TNIK: variants seen among roughly 807,000 people sequenced by gnomAD.
TNIK encodes the protein TRAF2 and NCK interacting kinase, also known as TRAF2 and NCK-interacting protein kinase.
Under a neutral mutation model 191.3 loss-of-function variants are expected in TNIK, and 49 were observed. The observed-to-expected ratio is 0.26, with a 90% CI of 0.20 to 0.32. The LOEUF is 0.32. TNIK is among the 10% of genes least tolerant of loss of function. TNIK has a pLI of 1.00. For synonymous variants in TNIK, 594 were observed against 600.9 expected, an observed-to-expected ratio of 0.99 and a Z score of 0.17; for missense variants, 1,155 against 1,702.3, an observed-to-expected ratio of 0.68 and a Z score of 5.66.
chr3:171,082,099 C>T (rs897172302), intron 27 of TNIK, among the ~76,000 whole-genome samples, 152 bp downstream of exon 27: 8 of 152,112 alleles, frequency 5.3e-5, no homozygotes, highest in Non-Finnish European at 1.5e-5. Context: ...CCCAGTGTTA[C>T]AAAATGTGGG....
intron 18 of TNIK, among the ~76,000 whole-genome samples, chr3:171,120,422 G>A (rs545338934): frequency 1.3e-5 from 2 of 150,578 alleles, no homozygotes; most frequent in South Asian, 2.1e-4. Context: ...CCGGATTCGC[G>A]CCATTCTCCT....
chr3:171,347,862 A>T (rs1277228878), intron 2 of TNIK, among the ~76,000 whole-genome samples: 1 of 152,222 alleles, frequency 6.6e-6, no homozygotes, highest in African/African-American at 2.4e-5. Context: ...TCACTCATCA[A>T]GAGTGACTGT....
intron 1 of TNIK, among the ~76,000 whole-genome samples, chr3:171,411,100 G>A (rs989877912): frequency 6.7e-5 from 10 of 149,054 alleles, no homozygotes; most frequent in Non-Finnish European, 1.3e-4. Flanking sequence ...AGGGCCTCAC[G>A]CTGTGTCACC....
chr3:171,437,018 T>G (rs1726116245), intron 1 of TNIK, among the ~76,000 whole-genome samples: 1 of 152,228 alleles, frequency 6.6e-6, no homozygotes, highest in African/African-American at 2.4e-5. Context: ...TCTTTTTTTA[T>G]TACTGCCCCC....
At chr3:171,290,077 A>G (rs1751511299) in intron 2 of TNIK, among the ~76,000 whole-genome samples, 1 of 152,168 alleles carries the variant, frequency 6.6e-6, no homozygotes, top group African/African-American at 2.4e-5. Flanking sequence ...TAGGGTAGGT[A>G]ATGTTTTTAG....
chr3:171,363,245 T>C (rs1715240507), intron 2 of TNIK, among the ~76,000 whole-genome samples: 1 of 152,104 alleles, frequency 6.6e-6, no homozygotes, highest in Non-Finnish European at 1.5e-5. Flanking sequence ...TGCCTTACAG[T>C]GATAATGTGA....
At chr3:171,267,795 C>T (rs1219461371) in intron 2 of TNIK, among the ~76,000 whole-genome samples, 2 of 152,200 alleles carry the variant, frequency 1.3e-5, no homozygotes, top group Admixed American at 6.5e-5. Flanking sequence ...TCCACGTTCT[C>T]CATGTGTCAG....
chr3:171,245,293 A>G (rs1168214415), intron 2 of TNIK, among the ~76,000 whole-genome samples: 3 of 152,334 alleles, frequency 2.0e-5, no homozygotes, highest in South Asian at 2.1e-4. Flanking sequence ...GAATGCTTTG[A>G]GCATGATCTG....
At chr3:171,245,084 A>G (rs1204624136) in intron 2 of TNIK, among the ~76,000 whole-genome samples, 1 of 152,170 alleles carries the variant, frequency 6.6e-6, no homozygotes, top group Non-Finnish European at 1.5e-5. Context: ...AAATGATTGG[A>G]AAAAAGAAGA....
rs1415424406 is a variant in TNIK, at chr3:171,366,450, T to C, written c.123+3170A>G. 6.6e-6 allele frequency among the ~76,000 whole-genome samples: 1 copy of C among 152,168 alleles called. No individual in the cohort carries two copies. The highest frequency in any genetic ancestry group is 2.4e-5 in the African/African-American group (1 of 41,444). The stretch of plus-strand genomic sequence containing the variant: ...ATATTTATATTTCTATATCTAGATG[T>C]ACCTGACTCACATGCAGATATATTT... On this transcript the variant is annotated intron_variant, in intron 2 of 32. Transcript: ENST00000436636. The surrounding 1 kb of genome is among the most constrained non-coding windows in gnomAD (Gnocchi z 4.1).
intron 7 of TNIK, among the ~76,000 whole-genome samples, chr3:171,184,366 C>T (rs766103487): frequency 6.6e-6 from 1 of 152,068 alleles, no homozygotes; most frequent in Non-Finnish European, 1.5e-5. Flanking sequence ...GTTTTTTGTC[C>T]ATTTTCACTT....
At chr3:171,285,173 C>A (rs1405622429) in intron 2 of TNIK, among the ~76,000 whole-genome samples, 2 of 152,190 alleles carry the variant, frequency 1.3e-5, no homozygotes, top group African/African-American at 4.8e-5. Context: ...CAGGAATCAT[C>A]TGTCTTCATT....
chr3:171,106,392 C>T (rs1431926140), intron 21 of TNIK, among the ~76,000 whole-genome samples: 1 of 152,186 alleles, frequency 6.6e-6, no homozygotes, highest in Admixed American at 6.5e-5. Context: ...GATTTGAATG[C>T]AGCTTGCTGA....
At chr3:171,141,387 A>C (rs1730816013) in intron 12 of TNIK, among the ~76,000 whole-genome samples, 1 of 152,198 alleles carries the variant, frequency 6.6e-6, no homozygotes, top group South Asian at 2.1e-4. Flanking sequence ...ATCTGAGCTC[A>C]ATCATTAAGG....
chr3:171,229,105 TCA>T (rs1743303555), intron 2 of TNIK, among the ~76,000 whole-genome samples: 2 of 152,198 alleles, frequency 1.3e-5, no homozygotes, highest in African/African-American at 2.4e-5. Flanking sequence ...CTTCCAAGCC[TCA>T]GTTTCCTCAT....
intron 2 of TNIK, among the ~76,000 whole-genome samples, chr3:171,282,393 G>A (rs1192041918): frequency 7.2e-6 from 1 of 139,594 alleles, no homozygotes; most frequent in African/African-American, 2.7e-5. Flanking sequence ...CCAGGCTGGA[G>A]TACAATGGCG....
At chr3:171,289,894 T>C (rs4894768) in intron 2 of TNIK, among the ~76,000 whole-genome samples, 38,200 of 123,846 alleles carry the variant, frequency 0.31, 5,211 homozygotes, top group Admixed American at 0.34. Flanking sequence ...AGGGCCAGAC[T>C]CCGTCTCAAA....
chr3:171,074,481 C>G (rs1244032493), intron 28 of TNIK, among the ~76,000 whole-genome samples: 2 of 151,818 alleles, frequency 1.3e-5, no homozygotes, highest in African/African-American at 4.8e-5. Context: ...TGAAACAAAC[C>G]TGCATATGTA....
intron 2 of TNIK, among the ~76,000 whole-genome samples, chr3:171,293,852 G>T (rs1751963419): frequency 6.6e-6 from 1 of 152,072 alleles, no homozygotes; most frequent in African/African-American, 2.4e-5. Flanking sequence ...GATCAATGTG[G>T]GAAGATTGCT....
Sources: allele counts gnomAD v4.1 joint callset (sites outside exome capture counted in the v4.1 genomes callset), GRCh38; gene constraint gnomAD v4.1.1; non-coding constraint Gnocchi (gnomAD v3.1); transcripts MANE v1.5; gene names NCBI Gene and HGNC (gene_info 2026-07-23, HGNC 2026-07-21).